DCC: variants seen among roughly 807,000 people sequenced by gnomAD.
The protein encoded by DCC is DCC netrin 1 receptor.
DCC carries 58 observed loss-of-function variants against 172.5 expected under a neutral mutation model. The ratio of observed to expected loss-of-function variants is 0.34; its 90% confidence interval spans 0.27 to 0.42. The LOEUF is 0.42. Ranked by LOEUF, DCC falls within the 10% of genes least tolerant of loss-of-function variation. The pLI is 1.00. For missense variants in DCC, 1,740 were observed against 1,791.0 expected, an observed-to-expected ratio of 0.97 and a Z score of 0.51; for synonymous variants, 709 against 644.5, an observed-to-expected ratio of 1.10 and a Z score of -1.52.
intron 9 of DCC, among the ~76,000 whole-genome samples, chr18:53,185,969 G>A (rs2055275666): frequency 6.6e-6 from 1 of 152,122 alleles, no homozygotes; most frequent in Non-Finnish European, 1.5e-5. Flanking sequence ...CCATTACCTG[G>A]AAAAATACAT....
intron 2 of DCC, among the ~76,000 whole-genome samples, chr18:52,778,103 C>G (rs998725529): frequency 2.0e-5 from 3 of 152,110 alleles, no homozygotes; most frequent in Non-Finnish European, 4.4e-5. Flanking sequence ...AAATCCTCAG[C>G]TATCATACTA....
rs1489021880 is a variant in DCC at position 52,500,774 on chromosome 18, A to G, written c.91+159896A>G. Among the ~76,000 whole-genome samples the G allele has an allele frequency of 7.9e-5, 12 of 152,180 alleles. No individual in the cohort carries two copies. In the East Asian group the frequency reaches 2.3e-3, roughly 29 times the overall value. On this transcript the variant is annotated intron_variant, in intron 1 of 28. Transcript: ENST00000442544. ...ATGATTTTTGATTTTTTTTTAATCC[A>G]GCTGCAAGGAGAGAGGATAACAACA...
At chr18:53,082,386 C>T (rs1177418644) in intron 7 of DCC, among the ~76,000 whole-genome samples, 1 of 152,092 alleles carries the variant, frequency 6.6e-6, no homozygotes, top group African/African-American at 2.4e-5. Context: ...CTCTAACACA[C>T]TAGTTTCTCT....
intron 27 of DCC, among the ~76,000 whole-genome samples, chr18:53,518,844 A>C (rs1446638539): frequency 6.6e-6 from 1 of 152,186 alleles, no homozygotes; most frequent in Non-Finnish European, 1.5e-5. Flanking sequence ...TCAATTAGCC[A>C]TGGATCATTT....
intron 2 of DCC, among the ~76,000 whole-genome samples, chr18:52,856,274 G>T (rs1332861508): frequency 6.6e-6 from 1 of 152,002 alleles, no homozygotes; most frequent in Non-Finnish European, 1.5e-5. Context: ...TATTTATGAA[G>T]ATGTCTTTTT....
chr18:52,516,984 T>C (rs1265668889), intron 1 of DCC, among the ~76,000 whole-genome samples: 11 of 152,194 alleles, frequency 7.2e-5, no homozygotes, highest in Non-Finnish European at 8.8e-5. Flanking sequence ...TCTGTGTCTG[T>C]GTAACCAGGC....
intron 1 of DCC, among the ~76,000 whole-genome samples, chr18:52,674,202 T>C (rs1417568073): frequency 2.0e-5 from 3 of 152,160 alleles, no homozygotes; most frequent in African/African-American, 7.2e-5. Context: ...GCTTGCACAA[T>C]TGGCTTGAGA....
chr18:53,264,676 A>C (rs989964107), intron 12 of DCC, among the ~76,000 whole-genome samples: 1 of 151,984 alleles, frequency 6.6e-6, no homozygotes, highest in Non-Finnish European at 1.5e-5. Flanking sequence ...GGTTCAGTGG[A>C]AGACAGACCT....
chr18:52,430,429 G>T (rs1987583543), intron 1 of DCC, among the ~76,000 whole-genome samples: 1 of 152,086 alleles, frequency 6.6e-6, no homozygotes. Context: ...GTGAGGTGTA[G>T]GGATAAGGAA....
chr18:53,145,019 T>C (rs900256267), intron 7 of DCC, among the ~76,000 whole-genome samples: 1 of 150,232 alleles, frequency 6.7e-6, no homozygotes, highest in South Asian at 2.1e-4. Context: ...TGCGTCCCTC[T>C]AAAATTCATG....
chr18:53,134,972 A>G (rs368419399), intron 7 of DCC, among the ~76,000 whole-genome samples: 1 of 152,208 alleles, frequency 6.6e-6, no homozygotes, highest in African/African-American at 2.4e-5. Context: ...CCTCTGGGAC[A>G]TTAGTACTAG....
chr18:52,567,837 T>G (rs1324484533), intron 1 of DCC, among the ~76,000 whole-genome samples: 1 of 149,862 alleles, frequency 6.7e-6, no homozygotes, highest in African/African-American at 2.5e-5. Flanking sequence ...AACAGAGAGG[T>G]GAGGGAATTC....
chr18:53,065,759 T>C (rs530456531), intron 6 of DCC, among the ~76,000 whole-genome samples: 18 of 152,304 alleles, frequency 1.2e-4, no homozygotes, highest in Non-Finnish European at 2.5e-4. Context: ...AAAATACTTG[T>C]CTGTTGACTG....
chr18:53,440,008 G>A (rs1467436610), intron 22 of DCC, among the ~76,000 whole-genome samples: 12 of 151,272 alleles, frequency 7.9e-5, no homozygotes, highest in Admixed American at 5.3e-4. Flanking sequence ...CTCGTGATCC[G>A]CCCGCCTCGG....
In DCC at chr18:53,402,768, C is replaced by T; in HGVS notation, c.2828-18C>T. 6.4e-7 allele frequency: 1 copy of T among 1,559,444 alleles called. No homozygotes were observed. Among genetic ancestry groups the T allele is most frequent in the Non-Finnish European group, 8.8e-7 (1 of 1,130,198 alleles). On this transcript the variant is annotated intron_variant, in intron 18 of 28. Transcript: ENST00000442544. ...TTCACATCCAATGACAAGGCCTTATCTCTGTCTCACCTCACAGCCCCCACC... is the reference window on the plus strand; with the variant it reads ...TTCACATCCAATGACAAGGCCTTATTTCTGTCTCACCTCACAGCCCCCACC...
At chr18:53,406,703 C>CA (rs35372678) in intron 19 of DCC, among the ~76,000 whole-genome samples, 2,267 of 91,812 alleles carry the variant, frequency 0.025, 55 homozygotes, top group Middle Eastern at 0.086. Context: ...GACTCTGTCT[C>CA]AAAAAAAAAA....
At chr18:52,963,220 TA>T (rs1200413598) in intron 5 of DCC, among the ~76,000 whole-genome samples, 7 of 152,064 alleles carry the variant, frequency 4.6e-5, no homozygotes, top group Non-Finnish European at 8.8e-5. Flanking sequence ...TAGATTTTTT[TA>T]AAAATTTTTA....
chr18:52,771,871 GAAA>G (rs55924643), intron 2 of DCC, among the ~76,000 whole-genome samples: 1 of 131,006 alleles, frequency 7.6e-6, no homozygotes, highest in Non-Finnish European at 1.6e-5. Flanking sequence ...AGAAACTTGT[GAAA>G]AAAAAAAAAA....
At chr18:52,779,351 G>C (rs763342199) in intron 2 of DCC, among the ~76,000 whole-genome samples, 1 of 152,034 alleles carries the variant, frequency 6.6e-6, no homozygotes, top group Non-Finnish European at 1.5e-5. Context: ...TCCCCTCCCT[G>C]TGTCCATGTG....
Sources: gnomAD v4.1 joint callset for allele counts (sites outside exome capture counted in the v4.1 genomes callset) on GRCh38, gnomAD v4.1.1 for gene constraint, MANE v1.5 for transcripts, NCBI Gene and HGNC (gene_info 2026-07-23, HGNC 2026-07-21) for gene names.